ENTPD6: variants seen among roughly 807,000 people sequenced by gnomAD.
ENTPD6 encodes the protein CD39 antigen-like 2.
In ENTPD6, 46 loss-of-function variants were observed where a neutral mutation model predicts 61.5. The observed-to-expected ratio is 0.75, with a 90% CI of 0.59 to 0.96. ENTPD6 has a LOEUF of 0.96. Among genes scored for constraint, ENTPD6 ranks in the 40% least tolerant of loss-of-function variants. ENTPD6 has a pLI of 0.00. For synonymous variants in ENTPD6, 252 were observed against 255.5 expected, an observed-to-expected ratio of 0.99 and a Z score of 0.13; for missense variants, 612 against 629.0, an observed-to-expected ratio of 0.97 and a Z score of 0.29.
chr20:25,211,322 T>A (rs185118593), intron 4 of ENTPD6, among the ~76,000 whole-genome samples: 7 of 152,332 alleles, frequency 4.6e-5, no homozygotes, highest in African/African-American at 1.7e-4. Context: ...TTAGATAAAT[T>A]TAGAATAAGC....
intron 4 of ENTPD6, 78 bp from the exon 5 acceptor site, chr20:25,213,185 C>A: frequency 1.3e-6 from 2 of 1,585,002 alleles, no homozygotes; most frequent in South Asian, 2.2e-5. Context: ...CCAAAAAAAC[C>A]CAAAAGGGTG....
rs566063473 is a variant in ENTPD6, at chr20:25,213,028, G to A, written c.454-235G>A. Among the ~76,000 whole-genome samples the A allele has an allele frequency of 2.6e-5, 4 of 152,346 alleles. No individual in the cohort carries two copies. The East Asian group carries it at 5.8e-4, about 22-fold the overall frequency. ...CCAGAAGTTTTTAAAAATTAGTCGG[G>A]CATGGTGGCTCACGCCCTTGTCCCA... On this transcript the variant is annotated intron_variant, in intron 4 of 14. Transcript: ENST00000376652.
chr20:25,218,524 C>T (rs753034586), intron 9 of ENTPD6, 26 bp from the exon 10 acceptor site: 1 of 1,588,656 alleles, frequency 6.3e-7, no homozygotes, highest in Admixed American at 1.8e-5. Flanking sequence ...ATGGCAGCTG[C>T]CCTCACTGAG....
intron 1 of ENTPD6, chr20:25,197,283 C>G: frequency 2.1e-6 from 2 of 969,702 alleles, no homozygotes; most frequent in Non-Finnish European, 2.5e-6. Flanking sequence ...CTCCTACCAC[C>G]AACAACACTG....
Position 25,222,680 on chromosome 20 carries a change from G to T in ENTPD6, c.1046-158G>T, listed in dbSNP as rs114084685. On this transcript the variant is annotated intron_variant, in intron 11 of 14. Transcript: ENST00000376652. Reference sequence around the variant, plus strand: ...GAGGGCTGCTTTTGACCTGTGCGGGGAGCAGCCCCAACTTGGGGTGGGGTC... The same window carrying T: ...GAGGGCTGCTTTTGACCTGTGCGGGTAGCAGCCCCAACTTGGGGTGGGGTC... 3,584 of 918,698 alleles carry T rather than the reference G, an allele frequency of 3.9e-3. 86 individuals are homozygous for T. In the African/African-American group the frequency reaches 0.054, roughly 14 times the overall value. The allele number at this position is 918,698 out of a possible 1,614,324, so 56.9% of individuals were successfully genotyped here. A position where few individuals can be genotyped will look rare whatever the true frequency, so the allele number is the denominator to read the frequency against.
rs748597299 is a variant in ENTPD6, at chr20:25,225,193, T to C, written c.1244-12T>C. ...GTCACCTGGAGCGTGAAGGGACGTG[T>C]CTCATCCCCAGTGTGTCGGACCCTG... is the stretch of plus-strand genomic sequence containing the variant. On this transcript the variant is annotated splice_polypyrimidine_tract_variant and intron_variant, in intron 13 of 14. Transcript: ENST00000376652. 5 of 1,608,692 alleles carry C rather than the reference T, an allele frequency of 3.1e-6. No individual in the cohort carries two copies. The highest frequency in any genetic ancestry group is 1.7e-6 in the Non-Finnish European group (2 of 1,178,116).
chr20:25,214,987 G>T, intron 6 of ENTPD6, 45 bp downstream of exon 6: 1 of 1,335,512 alleles, frequency 7.5e-7, no homozygotes, highest in South Asian at 1.2e-5. Context: ...TGTGCAGTGA[G>T]GTGGGTGGGA....
At chr20:25,196,065 A>C (rs1325133061) in intron 1 of ENTPD6, 198 bp downstream of exon 1, 1 of 928,928 alleles carries the variant, frequency 1.1e-6, no homozygotes, top group East Asian at 3.3e-5. Flanking sequence ...GGTGGGGGGC[A>C]AGTCCAGTGT....
chr20:25,196,881 C>G (rs1302198466), intron 1 of ENTPD6, among the ~76,000 whole-genome samples: 1 of 152,078 alleles, frequency 6.6e-6, no homozygotes, highest in South Asian at 2.1e-4. Context: ...GTGTGTGTGT[C>G]GTCTGCCTCC....
intron 10 of ENTPD6, among the ~76,000 whole-genome samples, chr20:25,220,444 A>G (rs1600662009): frequency 7.3e-6 from 1 of 136,830 alleles, no homozygotes; most frequent in Non-Finnish European, 1.6e-5. Context: ...AGCTGTCTAG[A>G]CTCCCTGCTG....
rs972898600 is a variant in ENTPD6, at chr20:25,226,550, G to C, written c.*953G>C. On this transcript the variant is annotated 3_prime_UTR_variant, in exon 15 of 15. Coordinates refer to ENST00000376652, the MANE Select transcript of ENTPD6 (RefSeq NM_001247.5). ...TCGGGCCACCATCCGCCCACCTCGG[G>C]CTGACCCCACCTCCTCCATGGACAG... is the stretch of plus-strand genomic sequence containing the variant. 1 of 152,734 alleles carries C rather than the reference G, an allele frequency of 6.5e-6. No homozygotes were observed. The highest frequency in any genetic ancestry group is 2.4e-5 in the African/African-American group (1 of 41,460). The allele number at this position is 152,734 out of a possible 1,614,324, so 9.5% of individuals were successfully genotyped here. A position where few individuals can be genotyped will look rare whatever the true frequency, so the allele number is the denominator to read the frequency against.
In ENTPD6 at chr20:25,209,100, A is replaced by C. The variant is rs574407284; in HGVS notation, c.377-749A>C. On this transcript the variant is annotated intron_variant, in intron 3 of 14. Coordinates refer to ENST00000376652, the MANE Select transcript of ENTPD6 (RefSeq NM_001247.5). ...CCTGGCTACTTTTTTTTTCTTTTTT[A>C]TTTATTTTTATTTAATTTTTTTTTT... is the stretch of plus-strand genomic sequence containing the variant. Among the ~76,000 whole-genome samples the C allele has an allele frequency of 3.9e-3, 314 of 80,850 alleles. 2 individuals are homozygous for C. Among genetic ancestry groups the C allele is most frequent in the African/African-American group, 0.013 (284 of 21,924 alleles). The allele number at this position is 80,850 out of a possible 152,430, so 53.0% of individuals were successfully genotyped here. A position where few individuals can be genotyped will look rare whatever the true frequency, so the allele number is the denominator to read the frequency against.
chr20:25,212,879 G>C (rs1052404007), intron 4 of ENTPD6, among the ~76,000 whole-genome samples: 4 of 152,098 alleles, frequency 2.6e-5, no homozygotes, highest in African/African-American at 9.7e-5. Flanking sequence ...CTAATTTTTT[G>C]TATTTTTAGT....
chr20:25,212,021 G>T (rs1398120222), intron 4 of ENTPD6, among the ~76,000 whole-genome samples: 1 of 152,096 alleles, frequency 6.6e-6, no homozygotes, highest in African/African-American at 2.4e-5. Context: ...TGTTGCCCAG[G>T]GTGGTCTTGA....
chr20:25,219,070 C>T (rs979522912), intron 10 of ENTPD6, among the ~76,000 whole-genome samples: 2 of 152,186 alleles, frequency 1.3e-5, no homozygotes, highest in Non-Finnish European at 2.9e-5. Flanking sequence ...TTAGTAGAGA[C>T]GGGGTTTCAC....
At chr20:25,217,257 A>T (rs1007331922) in intron 8 of ENTPD6, among the ~76,000 whole-genome samples, 2 of 152,032 alleles carry the variant, frequency 1.3e-5, no homozygotes, top group Non-Finnish European at 2.9e-5. Context: ...TACTGATATG[A>T]TCGTCGTCAT....
At chr20:25,207,853 G>A (rs930752451) in intron 3 of ENTPD6, among the ~76,000 whole-genome samples, 1 of 152,220 alleles carries the variant, frequency 6.6e-6, no homozygotes, top group African/African-American at 2.4e-5. Flanking sequence ...ACAGCCGAGA[G>A]GGGTCTCAGC....
In ENTPD6 at chr20:25,225,738, G is replaced by A. The variant is rs1024493120; in HGVS notation, c.*141G>A. On this transcript the variant is annotated 3_prime_UTR_variant, in exon 15 of 15. Coordinates refer to ENST00000376652, the MANE Select transcript of ENTPD6 (RefSeq NM_001247.5). ...CACACTGGCTCTGGGACTTGCAGAA[G>A]GCCTGGTGCTGCCCTGGCATCAGCC... The A allele has an allele frequency of 2.2e-5, 15 of 680,842 alleles. No individual in the cohort carries two copies. The highest frequency in any genetic ancestry group is 8.3e-5 in the Admixed American group (3 of 35,938). 42.2% of individuals were successfully genotyped at this position (680,842 alleles called of 1,614,324 possible). A position where few individuals can be genotyped will look rare whatever the true frequency, so the allele number is the denominator to read the frequency against.
At chr20:25,204,785 G>T (rs531861160) in intron 1 of ENTPD6, among the ~76,000 whole-genome samples, 1 of 152,220 alleles carries the variant, frequency 6.6e-6, no homozygotes, top group Non-Finnish European at 1.5e-5. Flanking sequence ...CATTCATCAG[G>T]TGGTGCCATG....
Sources: gnomAD v4.1 joint callset for allele counts (sites outside exome capture counted in the v4.1 genomes callset) on GRCh38, gnomAD v4.1.1 for gene constraint, MANE v1.5 for transcripts, NCBI Gene and HGNC (gene_info 2026-07-23, HGNC 2026-07-21) for gene names.